The following SCARA3 variants were observed in gnomAD, a reference collection of about 807,000 sequenced individuals.
SCARA3 encodes scavenger receptor class A member 3.
In SCARA3, 39 loss-of-function variants were observed where a neutral mutation model predicts 47.0. The observed-to-expected ratio is 0.83, with a 90% CI of 0.64 to 1.08. SCARA3 has a LOEUF of 1.08. Among genes scored for constraint, SCARA3 ranks in the 50% least tolerant of loss-of-function variants. The probability of loss-of-function intolerance (pLI) is 0.00; values close to 1 mark genes in which losing one functional copy is unlikely to be tolerated. For missense variants in SCARA3, 724 were observed against 792.3 expected, an observed-to-expected ratio of 0.91 and a Z score of 1.04; for synonymous variants, 356 against 334.1, an observed-to-expected ratio of 1.07 and a Z score of -0.71.
the SCARA3 span, among the ~76,000 whole-genome samples, chr8:27,695,735 A>G: frequency 1.3e-5 from 2 of 152,174 alleles, no homozygotes; most frequent in Middle Eastern, 3.2e-3. Context: ...AATTACAATA[A>G]ATAAATTAAA....
chr8:27,727,399 C>T, the SCARA3 span, among the ~76,000 whole-genome samples: 5 of 152,338 alleles, frequency 3.3e-5, no homozygotes, highest in Non-Finnish European at 5.9e-5. Flanking sequence ...TGATGCGCGC[C>T]GAGACCAGGG....
the SCARA3 span, among the ~76,000 whole-genome samples, chr8:27,686,844 C>T: frequency 5.3e-5 from 8 of 152,140 alleles, no homozygotes; most frequent in African/African-American, 9.7e-5. Context: ...AGGTTTGTTA[C>T]GTAGGTAAAC....
rs1394679227 is a variant in SCARA3, at chr8:27,658,546, G to A, written c.376G>A (p.Gly126Arg). 6.2e-7 allele frequency: 1 copy of A among 1,613,700 alleles called. No individual in the cohort carries two copies. The highest frequency in any genetic ancestry group is 8.5e-7 in the Non-Finnish European group (1 of 1,179,878). ...TTTCTGCCATGAAGCTGGGCAGCTG[G>A]GGCCAGAGATCCGAAAACTGCAGGA... Reference protein sequence around the residue: ...CSFCHEAGQLGPEIRKLQEEL... With the variant: ...CSFCHEAGQLRPEIRKLQEEL... The change falls in exon 5 of 6, where the codon GGG becomes AGG. Residue 126 changes from glycine to arginine, a missense_variant. Coordinates refer to ENST00000301904, the MANE Select transcript of SCARA3 (RefSeq NM_016240.3).
chr8:27,651,497 G>A lies in SCARA3; in HGVS notation c.107-11G>A. 1.2e-6 allele frequency: 2 copies of A among 1,610,116 alleles called. No homozygotes were observed. Among genetic ancestry groups the A allele is most frequent in the Non-Finnish European group, 1.7e-6 (2 of 1,179,850 alleles). Reference sequence around the variant, plus strand: ...TGGCCTAAGCCATTGTCCTCCTTGTGTCCCCCACAGGCCGGCCAGGGCCCC... The same window carrying A: ...TGGCCTAAGCCATTGTCCTCCTTGTATCCCCCACAGGCCGGCCAGGGCCCC... On this transcript the variant is annotated splice_polypyrimidine_tract_variant and intron_variant, in intron 2 of 5. Coordinates refer to ENST00000301904, the MANE Select transcript of SCARA3 (RefSeq NM_016240.3).
chr8:27,719,110 T>C, the SCARA3 span, among the ~76,000 whole-genome samples: 15 of 152,158 alleles, frequency 9.9e-5, no homozygotes, highest in Admixed American at 9.8e-4. Context: ...AGCAGCAAGC[T>C]TGGTCCTATT....
At position 27,672,191 on chromosome 8, in the gene SCARA3, A is replaced by G. The variant is rs1802182502; in HGVS notation, c.*840A>G. ...AGGCTGACATTCTCTGGCCTTGCAC[A>G]CAGTGCCCCCTGAGAAGTTCAACAT... On this transcript the variant is annotated 3_prime_UTR_variant, in exon 6 of 6. Coordinates refer to ENST00000301904, the MANE Select transcript of SCARA3 (RefSeq NM_016240.3). 1 of 985,346 alleles carries G rather than the reference A, an allele frequency of 1.0e-6. No individual in the cohort carries two copies. The highest frequency in any genetic ancestry group is 1.2e-6 in the Non-Finnish European group (1 of 829,962). 61.0% of individuals were successfully genotyped at this position (985,346 alleles called of 1,614,324 possible). A position where few individuals can be genotyped will look rare whatever the true frequency, so the allele number is the denominator to read the frequency against.
chr8:27,689,098 A>T, the SCARA3 span, among the ~76,000 whole-genome samples: 5 of 152,156 alleles, frequency 3.3e-5, no homozygotes, highest in African/African-American at 4.8e-5. Flanking sequence ...ACAGCAAGTC[A>T]ATCAGAACAG....
chr8:27,715,855 T>TAGAC, the SCARA3 span, among the ~76,000 whole-genome samples: 3 of 103,524 alleles, frequency 2.9e-5, no homozygotes, highest in Non-Finnish European at 6.3e-5. The surrounding 1 kb of genome is among the most constrained non-coding windows in gnomAD (Gnocchi z 4.2). Context: ...GATAGATAGA[T>TAGAC]AGATAGATAC....
chr8:27,689,780 T>C, the SCARA3 span, among the ~76,000 whole-genome samples: 2 of 152,072 alleles, frequency 1.3e-5, no homozygotes, highest in African/African-American at 4.8e-5. Flanking sequence ...GGGCCCATCC[T>C]AAAGACCAGT....
chr8:27,727,657 C>T, the SCARA3 span, among the ~76,000 whole-genome samples: 1 of 152,170 alleles, frequency 6.6e-6, no homozygotes, highest in African/African-American at 2.4e-5. Context: ...AATGGACAGC[C>T]CACAGACAAA....
At chr8:27,673,491 G>A (rs1185487497), downstream of SCARA3, among the ~76,000 whole-genome samples, 1 of 152,260 alleles carries the variant, frequency 6.6e-6, no homozygotes, top group East Asian at 1.9e-4. Context: ...CTCACTCACT[G>A]GCAAAATGTG....
the SCARA3 span, among the ~76,000 whole-genome samples, chr8:27,729,989 G>C: frequency 6.6e-6 from 1 of 151,998 alleles, no homozygotes; most frequent in South Asian, 2.1e-4. Flanking sequence ...GAGGTGCCAG[G>C]GCCCTGGGAA....
chr8:27,734,074 A>G, the SCARA3 span: 1 of 152,178 alleles, frequency 6.6e-6, no homozygotes, highest in African/African-American at 2.4e-5. Context: ...GGGTTCAACT[A>G]ATGTCCATCA....
At chr8:27,655,743 T>C (rs1801729806) in intron 3 of SCARA3, among the ~76,000 whole-genome samples, 1 of 152,224 alleles carries the variant, frequency 6.6e-6, no homozygotes. Context: ...GTACTTTAAG[T>C]GTCCTCAACA....
rs774402743 is a variant in SCARA3 at position 27,659,311 on chromosome 8, G to A, written c.1141G>A (p.Val381Met). ...VHSMLKYLDDVRLSCTLGFHT... is the reference protein window; with the variant it reads ...VHSMLKYLDDMRLSCTLGFHT... ...CAGCATGCTCAAGTACCTGGATGAC[G>A]TGCGGCTCTCCTGCACGCTGGGCTT... The change falls in exon 5 of 6, where the codon GTG becomes ATG. Residue 381 changes from valine (V) to methionine (M), a missense_variant. Val to Met is a conservative substitution (Grantham distance 21, BLOSUM62 1). Transcript: ENST00000301904. 12 of 1,613,908 alleles carry A rather than the reference G, an allele frequency of 7.4e-6. No homozygotes were observed. The highest frequency in any genetic ancestry group is 1.6e-4 in the Middle Eastern group (1 of 6,084).
In SCARA3 at chr8:27,651,524, C is replaced by T. The variant is rs762898163; in HGVS notation, c.123C>T (p.Arg41=). The change falls in exon 3 of 6, where the codon CGC becomes CGT. Residue 41 remains arginine (R), a synonymous_variant. Coordinates refer to ENST00000301904, the MANE Select transcript of SCARA3 (RefSeq NM_016240.3). ...PCTQKGRPGP[R]CSRCQKNLSL... is the part of the protein sequence containing the mutation. The stretch of plus-strand genomic sequence containing the variant: ...CCCCCACAGGCCGGCCAGGGCCCCG[C>T]TGCAGCCGCTGCCAGAAGAACCTAT... 12 of 1,612,900 alleles carry T rather than the reference C, an allele frequency of 7.4e-6. No individual in the cohort carries two copies. The highest frequency in any genetic ancestry group is 1.8e-4 in the Middle Eastern group (1 of 5,648).
rs774927842 is a variant in SCARA3, at chr8:27,656,883, A to G, written c.325+3A>G. 3.4e-5 allele frequency: 54 copies of G among 1,567,272 alleles called. 1 individual carries two copies. The South Asian group carries it at 3.8e-4, about 11-fold the overall frequency. On this transcript the variant is annotated splice_donor_region_variant and intron_variant, in intron 4 of 5. Coordinates refer to ENST00000301904, the MANE Select transcript of SCARA3 (RefSeq NM_016240.3). ...GCAGAAAAATCTCCAGGGCCTGGGTAAGTAGATGGGCTGATGACTGTGATG... is the reference window on the plus strand; with the variant it reads ...GCAGAAAAATCTCCAGGGCCTGGGTGAGTAGATGGGCTGATGACTGTGATG...
At chr8:27,710,249 A>C in the SCARA3 span, among the ~76,000 whole-genome samples, 6 of 143,622 alleles carry the variant, frequency 4.2e-5, no homozygotes, top group African/African-American at 1.5e-4. Flanking sequence ...AAAAAAAAAA[A>C]GGAGAGATTT....
intron 3 of SCARA3, among the ~76,000 whole-genome samples, chr8:27,651,877 C>T (rs902658248): frequency 4.6e-5 from 7 of 152,166 alleles, no homozygotes; most frequent in Non-Finnish European, 7.3e-5. Flanking sequence ...TGAGATGATA[C>T]GACCAGGTCA....
Sources: allele counts gnomAD v4.1 joint callset (sites outside exome capture counted in the v4.1 genomes callset), GRCh38; gene constraint gnomAD v4.1.1; non-coding constraint Gnocchi (gnomAD v3.1); transcripts MANE v1.5; gene names NCBI Gene and HGNC (gene_info 2026-07-23, HGNC 2026-07-21).